The following PXDN variants were observed in gnomAD, a reference collection of about 807,000 sequenced individuals.
The protein encoded by PXDN is peroxidasin homolog.
In PXDN, 77 loss-of-function variants were observed where a neutral mutation model predicts 140.3. The observed-to-expected ratio is 0.55, with a 90% CI of 0.46 to 0.66. PXDN has a LOEUF of 0.66. Among genes scored for constraint, PXDN ranks in the 30% least tolerant of loss-of-function variants. The pLI is 0.00. For synonymous variants in PXDN, 911 were observed against 857.4 expected (o/e 1.06, Z -1.09); for missense variants, 1,838 against 2,039.5 (o/e 0.90, Z 1.90).
chr2:1,684,323 A>T (rs1572157550), intron 4 of PXDN, among the ~76,000 whole-genome samples, 172 bp from the exon 5 acceptor site: 1 of 152,316 alleles, frequency 6.6e-6, no homozygotes, highest in South Asian at 2.1e-4. Flanking sequence ...TGATTCAATA[A>T]ATACAACTGA....
chr2:1,683,521 C>T, intron 6 of PXDN, 135 bp downstream of exon 6: 1 of 817,448 alleles, frequency 1.2e-6, no homozygotes, highest in Non-Finnish European at 1.9e-6. Context: ...TTCAATCCAC[C>T]CTCCATATAT....
chr2:1,715,758 G>C (rs923610277), intron 1 of PXDN, among the ~76,000 whole-genome samples: 3 of 152,166 alleles, frequency 2.0e-5, no homozygotes, highest in Non-Finnish European at 4.4e-5. Flanking sequence ...GGTAACTCAT[G>C]GAAAGGCCTC....
chr2:1,638,782 T>C (rs1051214524), intron 21 of PXDN, 64 bp downstream of exon 21: 12 of 1,605,952 alleles, frequency 7.5e-6, no homozygotes, highest in Middle Eastern at 3.5e-4. Flanking sequence ...CCCAGAAGGT[T>C]CGGGCAGGGC....
At chr2:1,716,279 A>G (rs898504649) in intron 1 of PXDN, among the ~76,000 whole-genome samples, 3 of 151,894 alleles carry the variant, frequency 2.0e-5, no homozygotes, top group African/African-American at 7.3e-5. Context: ...CTCTTATAAA[A>G]ATACAAAAAT....
chr2:1,663,942 C>G (rs1396130482), intron 11 of PXDN, 179 bp from the exon 12 acceptor site: 2 of 661,842 alleles, frequency 3.0e-6, no homozygotes, highest in Non-Finnish European at 5.1e-6. Context: ...GACACCTGAA[C>G]GTCCCTGCAC....
intron 1 of PXDN, among the ~76,000 whole-genome samples, chr2:1,708,855 T>C (rs958498020): frequency 6.6e-6 from 1 of 152,138 alleles, no homozygotes; most frequent in African/African-American, 2.4e-5. Flanking sequence ...GCTGGGTTTG[T>C]TAAGAACCTC....
In PXDN at chr2:1,683,808, A is replaced by G; in HGVS notation, c.489-81T>C. On this transcript the variant is annotated intron_variant, in intron 5 of 22. Transcript: ENST00000252804. ...TAGAAAAGAATATAAGCAGTCAAAT[A>G]TATATCAGCTTTAAAAAAATCTCAG... 7 of 1,109,316 alleles carry G rather than the reference A, an allele frequency of 6.3e-6. No homozygotes were observed. The South Asian group carries it at 1.1e-4, about 17-fold the overall frequency. The allele number at this position is 1,109,316 out of a possible 1,614,324, so 68.7% of individuals were successfully genotyped here. A position where few individuals can be genotyped will look rare whatever the true frequency, so the allele number is the denominator to read the frequency against.
At chr2:1,704,731 T>A (rs1684549149) in intron 1 of PXDN, among the ~76,000 whole-genome samples, 1 of 151,858 alleles carries the variant, frequency 6.6e-6, no homozygotes, top group Non-Finnish European at 1.5e-5. Flanking sequence ...ATGGCTGCAC[T>A]GTCTTGAGTT....
chr2:1,663,892 T>C, intron 11 of PXDN, 129 bp from the exon 12 acceptor site: 1 of 1,162,104 alleles, frequency 8.6e-7, no homozygotes, highest in Non-Finnish European at 1.2e-6. Flanking sequence ...GGCCTGGCCC[T>C]GCATAAGCAA....
Position 1,730,029 on chromosome 2 carries a change from T to TGAAA in PXDN, c.200+14226_200+14227insTTTC, listed in dbSNP as rs200673829. Among the ~76,000 whole-genome samples, 1,417 of 152,270 alleles carry TGAAA rather than the reference T, an allele frequency of 9.3e-3. 23 individuals carry two copies. Among genetic ancestry groups the TGAAA allele is most frequent in the African/African-American group, 0.032 (1,328 of 41,544 alleles). ...TCATGACCCAATTTTTGAAAATAGA[T>TGAAA]ACATGACAGATAAATATTAACAGGT... On this transcript the variant is annotated intron_variant, in intron 1 of 22. Coordinates refer to ENST00000252804, the MANE Select transcript of PXDN (RefSeq NM_012293.3).
Position 1,639,549 on chromosome 2 carries a change from AGGCAACCT to A in PXDN, c.3953-135_3953-128del. 1 of 1,395,728 alleles carries A rather than the reference AGGCAACCT, an allele frequency of 7.2e-7. No individual in the cohort carries two copies. Among genetic ancestry groups the A allele is most frequent in the Non-Finnish European group, 9.9e-7 (1 of 1,013,516 alleles). The allele number at this position is 1,395,728 out of a possible 1,614,324, so 86.5% of individuals were successfully genotyped here. ...GAACAAACTGTGGCACATTTCAGTGAGGCAACCTGGCAGCTGGTCTGCGGCTCTTACCC... is the reference window on the plus strand; with the variant it reads ...GAACAAACTGTGGCACATTTCAGTGAGGCAGCTGGTCTGCGGCTCTTACCC... On this transcript the variant is annotated intron_variant, in intron 19 of 22. Coordinates refer to ENST00000252804, the MANE Select transcript of PXDN (RefSeq NM_012293.3). The surrounding 1 kb of genome is among the most constrained non-coding windows in gnomAD (Gnocchi z 5.0).
chr2:1,721,320 C>G (rs1234968928), intron 1 of PXDN, among the ~76,000 whole-genome samples: 1 of 152,138 alleles, frequency 6.6e-6, no homozygotes, highest in Non-Finnish European at 1.5e-5. Context: ...GGAATAGTTT[C>G]AACAACGGTA....
In PXDN at chr2:1,663,669, T is replaced by C. The variant is rs1419668274; in HGVS notation, c.1503A>G (p.Glu501=). The change falls in exon 12 of 23, where the codon GAA becomes GAG. Residue 501 remains glutamate, a synonymous_variant. Transcript: ENST00000252804. Reference sequence around the variant, plus strand: ...AGCCGATGATGTTGACAGCCTGGCATTCGTACTGGCCCTGGTCGTGGAGGG... The same window carrying C: ...AGCCGATGATGTTGACAGCCTGGCACTCGTACTGGCCCTGGTCGTGGAGGG... ...GVALHDQGQY[E]CQAVNIIGSQ... is the part of the protein sequence containing the mutation. 1.9e-6 allele frequency: 3 copies of C among 1,614,020 alleles called. No individual in the cohort carries two copies. The highest frequency in any genetic ancestry group is 2.5e-6 in the Non-Finnish European group (3 of 1,179,896).
chr2:1,702,882 C>A (rs1300746037), intron 1 of PXDN, among the ~76,000 whole-genome samples: 1 of 152,128 alleles, frequency 6.6e-6, no homozygotes, highest in Non-Finnish European at 1.5e-5. Flanking sequence ...GCACCTCGGC[C>A]TCTCAAAGTG....
intron 1 of PXDN, among the ~76,000 whole-genome samples, chr2:1,739,805 G>A (rs771653387): frequency 7.2e-5 from 11 of 152,264 alleles, no homozygotes; most frequent in Non-Finnish European, 1.2e-4. Flanking sequence ...TGTTTGGTCC[G>A]CCCACCACCT....
chr2:1,698,023 G>A (rs1219923434), intron 1 of PXDN, among the ~76,000 whole-genome samples: 2 of 152,200 alleles, frequency 1.3e-5, no homozygotes, highest in Non-Finnish European at 2.9e-5. Flanking sequence ...ATGAACTCTT[G>A]CTGAAGCCAA....
intron 1 of PXDN, among the ~76,000 whole-genome samples, chr2:1,740,220 C>A (rs1426993147): frequency 6.6e-6 from 1 of 152,130 alleles, no homozygotes; most frequent in African/African-American, 2.4e-5. Flanking sequence ...GGCAGGCGGG[C>A]CCCTCTGCAG....
chr2:1,668,029 T>A (rs1243632680), intron 9 of PXDN, among the ~76,000 whole-genome samples: 2 of 152,264 alleles, frequency 1.3e-5, no homozygotes, highest in East Asian at 1.9e-4. Context: ...GCCGGAGGCA[T>A]CACACTACCT....
chr2:1,725,013 TC>T (rs760905228), intron 1 of PXDN, among the ~76,000 whole-genome samples: 1 of 152,254 alleles, frequency 6.6e-6, no homozygotes, highest in Non-Finnish European at 1.5e-5. Context: ...TAATGCTCCA[TC>T]CATTTGTTTC....
Sources: allele counts gnomAD v4.1 joint callset (sites outside exome capture counted in the v4.1 genomes callset), GRCh38; gene constraint gnomAD v4.1.1; non-coding constraint Gnocchi (gnomAD v3.1); transcripts MANE v1.5; gene names NCBI Gene and HGNC (gene_info 2026-07-23, HGNC 2026-07-21).